Variants in ERICH1 observed in about 807,000 individuals in gnomAD.
The protein encoded by ERICH1 is glutamate rich 1.
ERICH1 carries 56 observed loss-of-function variants against 39.6 expected under a neutral mutation model. That is an observed-to-expected ratio of 1.41 (90% CI 1.14 to 1.77). ERICH1 has a LOEUF of 1.77. Ranked by LOEUF, ERICH1 falls within the 40% of genes most tolerant of loss-of-function variation. The probability of loss-of-function intolerance (pLI) is 0.00; values close to 1 mark genes in which losing one functional copy is unlikely to be tolerated. For missense variants in ERICH1, 826 were observed against 575.4 expected, an observed-to-expected ratio of 1.44 and a Z score of -4.45; for synonymous variants, 313 against 223.6, an observed-to-expected ratio of 1.40 and a Z score of -3.57.
intron 3 of ERICH1, among the ~76,000 whole-genome samples, chr8:676,675 C>T (rs1804899346): frequency 6.6e-6 from 1 of 152,226 alleles, no homozygotes; most frequent in Non-Finnish European, 1.5e-5. Context: ...CACACCCAAG[C>T]CCCGCCCAGA....
chr8:655,678 T>G (rs1800556989), intron 3 of ERICH1, among the ~76,000 whole-genome samples: 1 of 145,368 alleles, frequency 6.9e-6, no homozygotes. Context: ...CTTCCTTCCT[T>G]CCTTCCTTCC....
At chr8:654,549 C>A (rs1490695691) in intron 3 of ERICH1, among the ~76,000 whole-genome samples, 3 of 152,104 alleles carry the variant, frequency 2.0e-5, no homozygotes, top group Non-Finnish European at 2.9e-5. Context: ...TGCCATACAT[C>A]AAAAAACATT....
intron 2 of ERICH1, among the ~76,000 whole-genome samples, chr8:702,049 C>A (rs1441286392): frequency 6.8e-6 from 1 of 147,526 alleles, no homozygotes; most frequent in African/African-American, 2.6e-5. Flanking sequence ...TGCACTCCAG[C>A]CTCGGTGACA....
At chr8:650,634 C>T (rs545360117) in intron 3 of ERICH1, among the ~76,000 whole-genome samples, 49 of 152,318 alleles carry the variant, frequency 3.2e-4, no homozygotes, top group African/African-American at 1.2e-3. Context: ...CCAGAGCCGG[C>T]ACCGTGCCAT....
intron 5 of ERICH1, among the ~76,000 whole-genome samples, chr8:665,076 A>G (rs1263766361): frequency 6.6e-6 from 1 of 152,254 alleles, no homozygotes; most frequent in African/African-American, 2.4e-5. Context: ...AAAAGCCAGA[A>G]GTGGAGCCGT....
intron 4 of ERICH1, among the ~76,000 whole-genome samples, chr8:670,492 C>A (rs912278588): frequency 3.9e-5 from 6 of 152,184 alleles, no homozygotes; most frequent in African/African-American, 1.4e-4. Flanking sequence ...AGAGGGGGAT[C>A]CCCTGGACCG....
intron 2 of ERICH1, among the ~76,000 whole-genome samples, chr8:715,157 A>C (rs950902887): frequency 1.1e-4 from 17 of 151,962 alleles, no homozygotes; most frequent in Admixed American, 4.6e-4. Context: ...TGCTGCACCC[A>C]GGTGGCCTCT....
chr8:664,690 A>T lies in ERICH1; in HGVS notation c.1259-14T>A. On this transcript the variant is annotated splice_polypyrimidine_tract_variant and intron_variant, in intron 5 of 5. Transcript: ENST00000262109. ...CTCTGGCATGGTCTAGAAAGCAAAA[A>T]ACACAAAACAAAAAATAAAACAAAG... The T allele has an allele frequency of 6.3e-7, 1 of 1,582,506 alleles. No homozygotes were observed. The highest frequency in any genetic ancestry group is 1.1e-5 in the South Asian group (1 of 87,460).
At chr8:668,568 A>G (rs201878687) in intron 5 of ERICH1, 30 bp downstream of exon 5, 13 of 1,613,418 alleles carry the variant, frequency 8.1e-6, no homozygotes, top group Non-Finnish European at 1.0e-5. Flanking sequence ...TATCTTAAGC[A>G]GGACCTTGAA....
chr8:716,215 A>AC (rs923745659), intron 1 of ERICH1, among the ~76,000 whole-genome samples: 5 of 152,022 alleles, frequency 3.3e-5, no homozygotes, highest in African/African-American at 1.2e-4. Context: ...TGGCCCGAGG[A>AC]CCCCCCACCA....
intron 2 of ERICH1, among the ~76,000 whole-genome samples, chr8:709,996 G>C (rs978394063): frequency 6.6e-6 from 1 of 152,164 alleles, no homozygotes; most frequent in African/African-American, 2.4e-5. Flanking sequence ...TGTTGGTTCA[G>C]TAAAATTCAG....
chr8:703,932 A>T (rs1055482486), intron 2 of ERICH1, among the ~76,000 whole-genome samples: 4 of 152,222 alleles, frequency 2.6e-5, no homozygotes, highest in African/African-American at 9.6e-5. Context: ...AGATGAAAAC[A>T]GACCATGCTC....
chr8:651,822 C>A (rs1799991104), intron 3 of ERICH1, among the ~76,000 whole-genome samples: 1 of 152,140 alleles, frequency 6.6e-6, no homozygotes, highest in South Asian at 2.1e-4. Context: ...GTCAACTCTA[C>A]TCGGAAATCG....
intron 3 of ERICH1, among the ~76,000 whole-genome samples, chr8:632,126 G>C (rs148897502): frequency 6.6e-6 from 1 of 152,318 alleles, no homozygotes; most frequent in Non-Finnish European, 1.5e-5. Context: ...GCTCAGGAGA[G>C]GAAAACTTTG....
intron 3 of ERICH1, among the ~76,000 whole-genome samples, chr8:628,976 C>A (rs926999891): frequency 2.0e-5 from 3 of 152,098 alleles, no homozygotes; most frequent in Non-Finnish European, 2.9e-5. Flanking sequence ...GGCCCGGCAC[C>A]CACCAAGCTG....
rs868592719 is a variant in ERICH1 at position 708,693 on chromosome 8, T to G, written c.169+7168A>C. Among the ~76,000 whole-genome samples the G allele has an allele frequency of 9.2e-4, 117 of 126,992 alleles. 3 individuals carry two copies. The Middle Eastern group carries it at 0.016, about 17-fold the overall frequency. 83.3% of individuals were successfully genotyped at this position (126,992 alleles called of 152,430 possible). On this transcript the variant is annotated intron_variant, in intron 2 of 5. Transcript: ENST00000262109. ...TACGGGATAATGAGTTTTTTTTTTT[T>G]TTTTTTTTTTTTTTTTTTGAGACAG...
At chr8:650,023 G>GCCTCCCTGCGCTGAGCGCGA (rs1799743849) in intron 3 of ERICH1, among the ~76,000 whole-genome samples, 1 of 152,228 alleles carries the variant, frequency 6.6e-6, no homozygotes, top group African/African-American at 2.4e-5. Context: ...GGCGAGGGCG[G>GCCTCCCTGCGCTGAGCGCGA]CCTCCCTGCG....
intron 3 of ERICH1, among the ~76,000 whole-genome samples, chr8:676,729 C>T (rs989126339): frequency 1.6e-4 from 24 of 152,204 alleles, no homozygotes; most frequent in African/African-American, 4.6e-4. Flanking sequence ...GTGCCACGGC[C>T]GGCACACGGC....
intron 1 of ERICH1, among the ~76,000 whole-genome samples, chr8:726,973 GTACACA>G (rs1036479829): frequency 5.6e-5 from 7 of 125,464 alleles, no homozygotes; most frequent in East Asian, 4.2e-4. Flanking sequence ...ATGCACACAC[GTACACA>G]TACACATACA....
Sources: allele counts gnomAD v4.1 joint callset (sites outside exome capture counted in the v4.1 genomes callset), GRCh38; gene constraint gnomAD v4.1.1; transcripts MANE v1.5; gene names NCBI Gene and HGNC (gene_info 2026-07-23, HGNC 2026-07-21).